The following IGFALS variants were observed in gnomAD, a reference collection of about 807,000 sequenced individuals.
The protein encoded by IGFALS is insulin like growth factor binding protein acid labile subunit.
Under a neutral mutation model 2.6 loss-of-function variants are expected in IGFALS, and 2 were observed. That is an observed-to-expected ratio of 0.77 (90% CI 0.32 to 2.44). The LOEUF (loss-of-function observed/expected upper bound fraction) is 2.44, where lower values mean the gene tolerates loss of function less well. Among genes scored for constraint, IGFALS ranks in the 30% most tolerant of loss-of-function variants. The probability of loss-of-function intolerance (pLI) is 0.11; values close to 1 mark genes in which losing one functional copy is unlikely to be tolerated. For missense variants in IGFALS, 996 were observed against 848.7 expected, an observed-to-expected ratio of 1.17 and a Z score of -2.16; for synonymous variants, 519 against 431.9, an observed-to-expected ratio of 1.20 and a Z score of -2.50.
chr16:1,792,244 G>T lies in IGFALS; in HGVS notation c.174C>A (p.Val58=). 6.2e-7 allele frequency: 1 copy of T among 1,604,062 alleles called. No individual in the cohort carries two copies. Residue 58 remains valine (V), a synonymous_variant, in exon 2 of 2, where the codon GTC becomes GTA. Transcript: ENST00000215539. ...SYDDDADELS[V]FCSSRNLTRL... ...GCGTGAGGTTCCTGGAGCTGCAGAA[G>T]ACGCTGAGCTCATCCGCGTCGTCAT...
upstream of IGFALS, chr16:1,793,742 G>A (rs940372300): frequency 1.5e-4 from 209 of 1,371,848 alleles, no homozygotes; most frequent in Non-Finnish European, 4.5e-5. Flanking sequence ...CCCCACTGCG[G>A]GGCAGCCCGC....
Position 1,792,351 on chromosome 16 carries a change from G to T in IGFALS, c.67C>A (p.Arg23Ser). ...LLLSWVALGP[R>S]SLEGADPGTP... The stretch of plus-strand genomic sequence containing the variant: ...CCGGGGTCTGCTCCCTCCAGGCTGC[G>T]GGGGCCCAGTGCCACCCAGGACAGC... Residue 23 changes from arginine to serine, a missense_variant, in exon 2 of 2, where the codon CGC (arginine) becomes AGC (serine). Coordinates refer to ENST00000215539, the MANE Select transcript of IGFALS (RefSeq NM_004970.3). 6.3e-6 allele frequency: 10 copies of T among 1,590,266 alleles called. No homozygotes were observed. Among genetic ancestry groups the T allele is most frequent in the Non-Finnish European group, 8.5e-6 (10 of 1,173,754 alleles).
chr16:1,792,349 G>A lies in IGFALS; in HGVS notation c.69C>T (p.Arg23=). ...LLLSWVALGP[R]SLEGADPGTP... The stretch of plus-strand genomic sequence containing the variant: ...TTCCGGGGTCTGCTCCCTCCAGGCT[G>A]CGGGGGCCCAGTGCCACCCAGGACA... Residue 23 remains arginine (R), a synonymous_variant, in exon 2 of 2, where the codon CGC becomes CGT. Transcript: ENST00000215539. 1 of 1,590,888 alleles carries A rather than the reference G, an allele frequency of 6.3e-7. No homozygotes were observed. Among genetic ancestry groups the A allele is most frequent in the Non-Finnish European group, 8.5e-7 (1 of 1,174,060 alleles).
chr16:1,791,655 C>T lies in IGFALS; in HGVS notation c.763G>A (p.Ala255Thr). The change falls in exon 2 of 2, where the codon GCT (alanine) becomes ACT (threonine). Residue 255 changes from alanine (A) to threonine (T), a missense_variant. Coordinates refer to ENST00000215539, the MANE Select transcript of IGFALS (RefSeq NM_004970.3). ...AGGAAGGCGCCCGGGGCCACGGCAG[C>T]GATGAGGTTGCGGTCCAGGTAGAGT... ...QKLYLDRNLI[A>T]AVAPGAFLGL... The T allele has an allele frequency of 1.9e-6, 3 of 1,582,290 alleles. No individual in the cohort carries two copies. The highest frequency in any genetic ancestry group is 2.3e-5 in the East Asian group (1 of 43,070).
rs779540588 is a variant in IGFALS, at chr16:1,791,829, G to A, written c.589C>T (p.Arg197Cys). 7.1e-6 allele frequency: 11 copies of A among 1,549,860 alleles called. No individual in the cohort carries two copies. The highest frequency in any genetic ancestry group is 4.7e-5 in the South Asian group (4 of 84,662). The part of the protein sequence containing the change: ...DAAFRGLGSL[R>C]ELVLAGNRLA... ...CTGTTGCCCGCCAGCACCAGCTCGC[G>A]CAGGCTGCCCAGGCCGCGGAACGCC... Residue 197 changes from arginine (R) to cysteine (C), a missense_variant, in exon 2 of 2, where the codon CGC (arginine) becomes TGC (cysteine). By Grantham distance (180) the Arg-to-Cys change is radical. Transcript: ENST00000215539.
At chr16:1,793,815 G>A (rs35391516), upstream of IGFALS, 53,120 of 617,908 alleles carry the variant, frequency 0.086, 2,912 homozygotes, top group South Asian at 0.2. Context: ...CGTGCCGGGC[G>A]GCCGGCATCA....
Position 1,792,068 on chromosome 16 carries a change from G to T in IGFALS, c.350C>A (p.Ala117Glu), listed in dbSNP as rs571481044. The T allele has an allele frequency of 2.5e-5, 41 of 1,609,874 alleles. No homozygotes were observed. The South Asian group carries it at 4.4e-4, about 17-fold the overall frequency. The change falls in exon 2 of 2, where the codon GCG becomes GAG. Residue 117 changes from alanine to glutamate, a missense_variant. Ala to Glu is a moderately radical substitution (Grantham distance 107). Coordinates refer to ENST00000215539, the MANE Select transcript of IGFALS (RefSeq NM_004970.3). ...GCACAGGTTCTCTAGGCCCAGCAGC[G>T]CCTGTGGCTCCAGGCTGCCCAGCTG... ...GGQLGSLEPQ[A>E]LLGLENLCHL...
At position 1,790,979 on chromosome 16, in the gene IGFALS, G is replaced by A. The variant is rs752485607; in HGVS notation, c.1439C>T (p.Pro480Leu). The A allele has an allele frequency of 1.2e-5, 19 of 1,597,248 alleles. No individual in the cohort carries two copies. Among genetic ancestry groups the A allele is most frequent in the Admixed American group, 1.7e-5 (1 of 59,844 alleles). Residue 480 changes from proline to leucine, a missense_variant, in exon 2 of 2, where the codon CCC becomes CTC. Coordinates refer to ENST00000215539, the MANE Select transcript of IGFALS (RefSeq NM_004970.3). ...GTCCAGCCAGAAGGCCCGCTGCAGG[G>A]GGCCCAGGGCGTCCGCCGGCAGCTC... Reference protein sequence around the residue: ...LAELPADALGPLQRAFWLDVS... With the variant: ...LAELPADALGLLQRAFWLDVS...
rs1459402229 is a variant in IGFALS, at chr16:1,791,436, G to A, written c.982C>T (p.Gln328Ter). Reference sequence around the variant, plus strand: ...CCCTCAAAGCTGCGCTCAGCCAGCTGCCGGATGCGGTTGTGGCCCAGCTGC... The same window carrying A: ...CCCTCAAAGCTGCGCTCAGCCAGCTACCGGATGCGGTTGTGGCCCAGCTGC... ...ELQLGHNRIR[Q>*]LAERSFEGLG... The change falls in exon 2 of 2, where the codon CAG becomes TAG. Residue 328 changes from glutamine (Q) to a stop codon, truncating the protein, a stop_gained. Coordinates refer to ENST00000215539, the MANE Select transcript of IGFALS (RefSeq NM_004970.3). LOFTEE classifies it low-confidence loss of function (END_TRUNC). The A allele has an allele frequency of 6.2e-7, 1 of 1,612,260 alleles. No individual in the cohort carries two copies.
rs1353926506 is a variant in IGFALS, at chr16:1,790,545, G to T, written c.*55C>A. 1.4e-6 allele frequency: 2 copies of T among 1,453,710 alleles called. No individual in the cohort carries two copies. Among genetic ancestry groups the T allele is most frequent in the Non-Finnish European group, 1.9e-6 (2 of 1,061,754 alleles). The allele number at this position is 1,453,710 out of a possible 1,614,324, so 90.1% of individuals were successfully genotyped here. On this transcript the variant is annotated 3_prime_UTR_variant, in exon 2 of 2. Transcript: ENST00000215539. ...TGAGGACACTGAGGACCTGTCCCCA[G>T]CACAAGGTGAGCCAGGTGGGGGCCT... is the stretch of plus-strand genomic sequence containing the variant.
At position 1,790,997 on chromosome 16, in the gene IGFALS, G is replaced by A. The variant is rs774754339; in HGVS notation, c.1421C>T (p.Pro474Leu). 33 of 1,597,646 alleles carry A rather than the reference G, an allele frequency of 2.1e-5. No homozygotes were observed. Among genetic ancestry groups the A allele is most frequent in the African/African-American group, 8.0e-5 (6 of 74,902 alleles). Residue 474 changes from proline to leucine, a missense_variant, in exon 2 of 2, where the codon CCG (proline) becomes CTG (leucine). Coordinates refer to ENST00000215539, the MANE Select transcript of IGFALS (RefSeq NM_004970.3). ...CTGCAGGGGGCCCAGGGCGTCCGCC[G>A]GCAGCTCTGCCAGGCGGTTGCGGGA... ...LLSRNRLAEL[P>L]ADALGPLQRA...
chr16:1,792,318 C>T lies in IGFALS; in HGVS notation c.100G>A (p.Gly34Arg). ...GGGCACGCTGGGCCCTCGGCTTCCCCCGGCGTTCCGGGGTCTGCTCCCTCC... is the reference window on the plus strand; with the variant it reads ...GGGCACGCTGGGCCCTCGGCTTCCCTCGGCGTTCCGGGGTCTGCTCCCTCC... The part of the protein sequence containing the change: ...SLEGADPGTP[G>R]EAEGPACPAA... The change falls in exon 2 of 2, where the codon GGG becomes AGG. Residue 34 changes from glycine (G) to arginine (R), a missense_variant. Gly to Arg is a moderately radical substitution (Grantham distance 125). Coordinates refer to ENST00000215539, the MANE Select transcript of IGFALS (RefSeq NM_004970.3). The T allele has an allele frequency of 6.3e-7, 1 of 1,596,866 alleles. No homozygotes were observed. Among genetic ancestry groups the T allele is most frequent in the Non-Finnish European group, 8.5e-7 (1 of 1,178,324 alleles).
Position 1,791,114 on chromosome 16 carries a change from T to TCCGCCAGCC in IGFALS, c.1295_1303dup (p.Gly432_Ala434dup). The stretch of plus-strand genomic sequence containing the variant: ...GGAGGTCAGGTCGAGCTCCAGCAGC[T>TCCGCCAGCC]CCGCCAGCCCCCACAGGCTCTGCTC... On this transcript the variant is annotated inframe_insertion, in exon 2 of 2. Coordinates refer to ENST00000215539, the MANE Select transcript of IGFALS (RefSeq NM_004970.3). The TCCGCCAGCC allele has an allele frequency of 1.2e-6, 2 of 1,602,122 alleles. No homozygotes were observed. Among genetic ancestry groups the TCCGCCAGCC allele is most frequent in the African/African-American group, 1.3e-5 (1 of 74,972 alleles).
rs748746066 is a variant in IGFALS, at chr16:1,791,447, T to C, written c.971A>G (p.Asn324Ser). 6.8e-6 allele frequency: 11 copies of C among 1,612,284 alleles called. No individual in the cohort carries two copies. The highest frequency in any genetic ancestry group is 3.3e-5 in the Admixed American group (2 of 59,988). Residue 324 changes from asparagine to serine, a missense_variant, in exon 2 of 2, where the codon AAC becomes AGC. Transcript: ENST00000215539. ...GCGCTCAGCCAGCTGCCGGATGCGG[T>C]TGTGGCCCAGCTGCAGCTCCTCCAG... ...HFLEELQLGH[N>S]RIRQLAERSF...
In IGFALS at chr16:1,792,191, G is replaced by C; in HGVS notation, c.227C>G (p.Thr76Ser). 6.2e-7 allele frequency: 1 copy of C among 1,610,780 alleles called. No homozygotes were observed. The highest frequency in any genetic ancestry group is 2.2e-5 in the East Asian group (1 of 44,832). ...TRLPDGVPGG[T>S]QALWLDGNNL... ...GTTGCCGTCCAGCCACAGGGCTTGG[G>C]TGCCGCCCGGGACTCCATCAGGCAG... The change falls in exon 2 of 2, where the codon ACC becomes AGC. Residue 76 changes from threonine to serine, a missense_variant. Transcript: ENST00000215539.
Position 1,790,465 on chromosome 16 carries a change from G to A in IGFALS, c.*135C>T. ...TGATGACAGCTGGGGGGGCCGCCAT[G>A]CCTTCCACCCCATCAGGCCCTTGCG... On this transcript the variant is annotated 3_prime_UTR_variant, in exon 2 of 2. Coordinates refer to ENST00000215539, the MANE Select transcript of IGFALS (RefSeq NM_004970.3). 1.3e-6 allele frequency: 1 copy of A among 773,984 alleles called. No individual in the cohort carries two copies. Among genetic ancestry groups the A allele is most frequent in the Non-Finnish European group, 2.2e-6 (1 of 453,858 alleles). 47.9% of individuals were successfully genotyped at this position (773,984 alleles called of 1,614,324 possible).
chr16:1,790,530 G>A lies in IGFALS; in HGVS notation c.*70C>T. The A allele has an allele frequency of 7.5e-7, 1 of 1,339,036 alleles. No individual in the cohort carries two copies. Among genetic ancestry groups the A allele is most frequent in the Non-Finnish European group, 1.0e-6 (1 of 959,174 alleles). The allele number at this position is 1,339,036 out of a possible 1,614,324, so 82.9% of individuals were successfully genotyped here. On this transcript the variant is annotated 3_prime_UTR_variant, in exon 2 of 2. Coordinates refer to ENST00000215539, the MANE Select transcript of IGFALS (RefSeq NM_004970.3). ...CACTGGGCAGGCCCCTGAGGACACTGAGGACCTGTCCCCAGCACAAGGTGA... is the reference window on the plus strand; with the variant it reads ...CACTGGGCAGGCCCCTGAGGACACTAAGGACCTGTCCCCAGCACAAGGTGA...
chr16:1,793,923 C>A (rs576718504), upstream of IGFALS, among the ~76,000 whole-genome samples: 2 of 152,264 alleles, frequency 1.3e-5, no homozygotes, highest in South Asian at 4.1e-4. Flanking sequence ...ACGGCCAGTG[C>A]CCGGGCCCCC....
chr16:1,792,587 A>G, intron 1 of IGFALS, 186 bp from the exon 2 acceptor site: 4 of 1,167,894 alleles, frequency 3.4e-6, no homozygotes, highest in African/African-American at 1.6e-5. Flanking sequence ...TTCCCACCCC[A>G]TGGGACAGAG....
Sources: allele counts gnomAD v4.1 joint callset (sites outside exome capture counted in the v4.1 genomes callset), GRCh38; gene constraint gnomAD v4.1.1; transcripts MANE v1.5; gene names NCBI Gene and HGNC (gene_info 2026-07-23, HGNC 2026-07-21).